Variants in MACROD2 observed in about 807,000 individuals in gnomAD.
MACROD2 encodes mono-ADP ribosylhydrolase 2, also known as ADP-ribose glycohydrolase MACROD2.
A neutral mutation model predicts 70.4 loss-of-function variants in MACROD2; 36 were observed. The observed-to-expected ratio is 0.51, with a 90% CI of 0.39 to 0.68. The LOEUF is 0.68. MACROD2 is among the 30% of genes least tolerant of loss of function. MACROD2 has a pLI of 0.00. For synonymous variants in MACROD2, 172 were observed against 178.8 expected (o/e 0.96, Z 0.30); for missense variants, 496 against 538.4 (o/e 0.92, Z 0.78).
intron 7 of MACROD2, among the ~76,000 whole-genome samples, chr20:15,486,241 T>A (rs376160558): frequency 1.3e-5 from 2 of 152,234 alleles, no homozygotes; most frequent in African/African-American, 4.8e-5. Context: ...ATCTTAAAAA[T>A]TGAGCCCACC....
In MACROD2 at chr20:15,874,643, A is replaced by C. The variant is rs553281790; in HGVS notation, c.728-11121A>C. Reference sequence around the variant, plus strand: ...GAGATGGTATCTCATTGTGGTTTCAATTTGCATTTCTCTGATGACCAGCAA... The same window carrying C: ...GAGATGGTATCTCATTGTGGTTTCACTTTGCATTTCTCTGATGACCAGCAA... On this transcript the variant is annotated intron_variant, in intron 9 of 17. Transcript: ENST00000684519. 1.2e-3 allele frequency among the ~76,000 whole-genome samples: 181 copies of C among 152,230 alleles called. 1 individual carries two copies. The highest frequency in any genetic ancestry group is 4.3e-3 in the African/African-American group (178 of 41,540).
At chr20:15,277,717 TTA>T (rs1354994528) in intron 6 of MACROD2, among the ~76,000 whole-genome samples, 6 of 152,158 alleles carry the variant, frequency 3.9e-5, no homozygotes, top group Non-Finnish European at 4.4e-5. Context: ...TGAATACAGC[TTA>T]TATTAGACTG....
intron 8 of MACROD2, among the ~76,000 whole-genome samples, chr20:15,767,096 C>T (rs2051540645): frequency 6.6e-6 from 1 of 152,198 alleles, no homozygotes; most frequent in Non-Finnish European, 1.5e-5. Flanking sequence ...CTATCGATAC[C>T]ACAAATATGA....
chr20:15,957,745 G>A lies in MACROD2; in HGVS notation c.908-9808G>A, dbSNP rs563071359. On this transcript the variant is annotated intron_variant, in intron 12 of 17. Transcript: ENST00000684519. ...CAGGGCGGGTACTTAGGAACAGATG[G>A]CCTTATCTGGCCCCCTTATATCTCC... Among the ~76,000 whole-genome samples, 4 of 152,290 alleles carry A rather than the reference G, an allele frequency of 2.6e-5. No homozygotes were observed. The South Asian group carries it at 8.3e-4, about 32-fold the overall frequency.
intron 8 of MACROD2, among the ~76,000 whole-genome samples, chr20:15,673,374 G>A (rs1418006990): frequency 6.6e-6 from 1 of 152,136 alleles, no homozygotes; most frequent in Non-Finnish European, 1.5e-5. Context: ...ACTCATCAGG[G>A]AGGGAAATCA....
chr20:14,728,452 A>T (rs1013029983), intron 5 of MACROD2, among the ~76,000 whole-genome samples: 2 of 152,222 alleles, frequency 1.3e-5, no homozygotes, highest in African/African-American at 4.8e-5. Flanking sequence ...TAATAGCTAA[A>T]TGTTAAAGAC....
intron 12 of MACROD2, among the ~76,000 whole-genome samples, chr20:15,961,080 TAGCATGCGGTAG>T (rs2066053643): frequency 1.3e-5 from 2 of 152,172 alleles, no homozygotes; most frequent in Admixed American, 1.3e-4. Flanking sequence ...GATTGTAAAA[TAGCATGCGGTAG>T]AGCCACACGA....
chr20:14,840,107 C>T (rs551519822), intron 5 of MACROD2, among the ~76,000 whole-genome samples: 20 of 151,156 alleles, frequency 1.3e-4, no homozygotes, highest in Admixed American at 6.6e-4. Flanking sequence ...GTACTATCTC[C>T]GCTCACTGCA....
chr20:15,010,520 T>G (rs1301175387), intron 5 of MACROD2, among the ~76,000 whole-genome samples: 1 of 152,242 alleles, frequency 6.6e-6, no homozygotes, highest in Non-Finnish European at 1.5e-5. Flanking sequence ...TGCAGCGAGA[T>G]GAGAACAAAT....
intron 5 of MACROD2, among the ~76,000 whole-genome samples, chr20:14,764,737 G>T (rs751475572): frequency 1.3e-5 from 2 of 152,158 alleles, no homozygotes; most frequent in Non-Finnish European, 2.9e-5. Context: ...GGAAGAGAAT[G>T]TGAGAGTTCA....
intron 10 of MACROD2, among the ~76,000 whole-genome samples, chr20:15,925,594 T>C (rs574989902): frequency 1.3e-5 from 2 of 152,334 alleles, no homozygotes; most frequent in South Asian, 2.1e-4. Context: ...ATACCTTCAA[T>C]GTTGAAATGC....
chr20:15,359,845 T>C (rs1008103247), intron 6 of MACROD2, among the ~76,000 whole-genome samples: 14 of 152,206 alleles, frequency 9.2e-5, no homozygotes, highest in African/African-American at 3.4e-4. Flanking sequence ...ACTAGGTTTC[T>C]TTACCAAAAC....
intron 9 of MACROD2, among the ~76,000 whole-genome samples, chr20:15,876,815 G>T (rs1035701046): frequency 1.3e-5 from 2 of 152,132 alleles, no homozygotes; most frequent in African/African-American, 2.4e-5. Flanking sequence ...ACTAACTGGG[G>T]TGAGATGATA....
At chr20:15,130,630 A>C (rs1479868208) in intron 5 of MACROD2, among the ~76,000 whole-genome samples, 1 of 152,082 alleles carries the variant, frequency 6.6e-6, no homozygotes, top group Non-Finnish European at 1.5e-5. Context: ...GACCAAAAAC[A>C]GTCAAAGCTA....
At chr20:15,124,941 A>G (rs2076056091) in intron 5 of MACROD2, among the ~76,000 whole-genome samples, 1 of 151,988 alleles carries the variant, frequency 6.6e-6, no homozygotes, top group Admixed American at 6.6e-5. Flanking sequence ...TTCGTTATTC[A>G]TCCTAATTTT....
At chr20:15,807,233 C>G (rs897317052) in intron 8 of MACROD2, among the ~76,000 whole-genome samples, 6 of 152,182 alleles carry the variant, frequency 3.9e-5, no homozygotes, top group African/African-American at 1.4e-4. Context: ...TCCCAGGAGT[C>G]TTAGGTAGAG....
At chr20:14,084,693 G>T (rs951244512) in intron 2 of MACROD2, among the ~76,000 whole-genome samples, 3 of 152,156 alleles carry the variant, frequency 2.0e-5, no homozygotes, top group South Asian at 4.1e-4. Context: ...GCTGGCTGTT[G>T]TGTGTTGGGG....
intron 12 of MACROD2, among the ~76,000 whole-genome samples, chr20:15,949,150 G>A (rs371641461): frequency 2.3e-4 from 35 of 152,168 alleles, no homozygotes; most frequent in Middle Eastern, 3.4e-3. Flanking sequence ...TTGTGCCTCC[G>A]TTTTCTGATG....
intron 10 of MACROD2, among the ~76,000 whole-genome samples, chr20:15,905,095 A>G (rs895369398): frequency 1.3e-5 from 2 of 152,264 alleles, no homozygotes; most frequent in African/African-American, 2.4e-5. Flanking sequence ...TCTACAAACC[A>G]TCATATTCAT....
Sources: gnomAD v4.1 joint callset for allele counts (sites outside exome capture counted in the v4.1 genomes callset) on GRCh38, gnomAD v4.1.1 for gene constraint, MANE v1.5 for transcripts, NCBI Gene and HGNC (gene_info 2026-07-23, HGNC 2026-07-21) for gene names.